Variants in TULP4 observed in about 807,000 individuals in gnomAD.
TULP4 encodes the protein TUB like protein 4, also known as tubby-related protein 4.
In TULP4, 16 loss-of-function variants were observed where a neutral mutation model predicts 129.0. The ratio of observed to expected loss-of-function variants is 0.12; its 90% CI spans 0.08 to 0.19. TULP4 has a LOEUF of 0.19. Ranked by LOEUF, TULP4 falls within the 10% of genes least tolerant of loss-of-function variation. The probability of loss-of-function intolerance (pLI) is 1.00; values close to 1 mark genes in which losing one functional copy is unlikely to be tolerated. For synonymous variants in TULP4, 998 were observed against 854.0 expected (o/e 1.17, Z -2.94); for missense variants, 1,842 against 2,059.1 (o/e 0.89, Z 2.04).
At chr6:158,242,963 G>T (rs1777951578) in intron 1 of TULP4, among the ~76,000 whole-genome samples, 1 of 152,020 alleles carries the variant, frequency 6.6e-6, no homozygotes. Context: ...TTTTTTTGTT[G>T]TTTTTAGTAG....
At position 158,375,699 on chromosome 6, in the gene TULP4, G is replaced by T. The variant is rs150005608; in HGVS notation, c.253-37366G>T. On this transcript the variant is annotated intron_variant, in intron 1 of 13. Transcript: ENST00000367097. The stretch of plus-strand genomic sequence containing the variant: ...AGAAACACTGTAGGGTAAAATGCAC[G>T]CTGCTTAGTTTCATTAGCAAGTGCT... Among the ~76,000 whole-genome samples the T allele has an allele frequency of 3.7e-3, 557 of 152,286 alleles. 3 individuals are homozygous for T. The highest frequency in any genetic ancestry group is 0.013 in the African/African-American group (527 of 41,550).
At chr6:158,302,862 T>C (rs1779154499) in intron 1 of TULP4, among the ~76,000 whole-genome samples, 2 of 151,870 alleles carry the variant, frequency 1.3e-5, no homozygotes, top group Admixed American at 6.6e-5. Context: ...TTAGTGGAGA[T>C]TGGCATGATA....
chr6:158,388,785 C>T (rs1777517092), intron 1 of TULP4, among the ~76,000 whole-genome samples: 1 of 152,064 alleles, frequency 6.6e-6, no homozygotes, highest in Admixed American at 6.5e-5. Context: ...AGTAAGTTAA[C>T]CTTAAATTAT....
intron 5 of TULP4, among the ~76,000 whole-genome samples, chr6:158,456,822 A>G (rs1412695447): frequency 1.4e-5 from 2 of 142,470 alleles, no homozygotes; most frequent in African/African-American, 2.8e-5. Context: ...CGACAGAGCA[A>G]GACTCCATCT....
chr6:158,239,656 C>T (rs1777814299), intron 1 of TULP4, among the ~76,000 whole-genome samples: 2 of 72,510 alleles, frequency 2.8e-5, no homozygotes, highest in Non-Finnish European at 6.2e-5. Flanking sequence ...CCCCACCTCC[C>T]TCCCGGACCG....
At chr6:158,462,643 G>A (rs1779458244) in intron 6 of TULP4, among the ~76,000 whole-genome samples, 1 of 151,714 alleles carries the variant, frequency 6.6e-6, no homozygotes, top group Non-Finnish European at 1.5e-5. Context: ...AAGATGCTGG[G>A]ATTACAGGCA....
chr6:158,431,610 G>A (rs1344515660), intron 3 of TULP4, among the ~76,000 whole-genome samples: 1 of 152,198 alleles, frequency 6.6e-6, no homozygotes, highest in Non-Finnish European at 1.5e-5. Context: ...TTGGCAACGT[G>A]TGGAGGAGGA....
intron 1 of TULP4, among the ~76,000 whole-genome samples, chr6:158,399,701 A>G (rs534587336): frequency 6.6e-6 from 1 of 152,292 alleles, no homozygotes; most frequent in East Asian, 1.9e-4. Flanking sequence ...TGTGTGCCAG[A>G]CAGTTTTTGT....
At chr6:158,253,345 G>A (rs1778179459) in intron 1 of TULP4, among the ~76,000 whole-genome samples, 1 of 152,116 alleles carries the variant, frequency 6.6e-6, no homozygotes, top group African/African-American at 2.4e-5. Context: ...GAATAAACAC[G>A]TGTCTTACTC....
intron 1 of TULP4, among the ~76,000 whole-genome samples, chr6:158,253,075 C>T (rs971858597): frequency 5.3e-5 from 8 of 152,226 alleles, no homozygotes; most frequent in Admixed American, 2.0e-4. Flanking sequence ...AAATCCCATG[C>T]GAATTGTCAG....
At chr6:158,255,858 A>T (rs1778231967) in intron 1 of TULP4, among the ~76,000 whole-genome samples, 2 of 152,226 alleles carry the variant, frequency 1.3e-5, no homozygotes, top group South Asian at 2.1e-4. Flanking sequence ...TTGCATGAAG[A>T]AGTACAGGGT....
At chr6:158,273,804 C>A (rs1190888719) in intron 1 of TULP4, among the ~76,000 whole-genome samples, 1 of 152,160 alleles carries the variant, frequency 6.6e-6, no homozygotes, top group Non-Finnish European at 1.5e-5. Context: ...TAATATAGCT[C>A]CTAGTATGTA....
At chr6:158,274,000 C>A (rs544352312) in intron 1 of TULP4, among the ~76,000 whole-genome samples, 4 of 152,106 alleles carry the variant, frequency 2.6e-5, no homozygotes, top group Non-Finnish European at 4.4e-5. Context: ...TGGCTCACAC[C>A]TGTAATCACA....
At chr6:158,264,042 GA>G (rs1219429092) in intron 1 of TULP4, among the ~76,000 whole-genome samples, 1 of 152,134 alleles carries the variant, frequency 6.6e-6, no homozygotes, top group African/African-American at 2.4e-5. Context: ...CAGCCTGGGG[GA>G]TAGAGTGAGA....
intron 2 of TULP4, among the ~76,000 whole-genome samples, chr6:158,427,599 T>G (rs1778531194): frequency 6.8e-6 from 1 of 148,118 alleles, no homozygotes; most frequent in Non-Finnish European, 1.5e-5. Context: ...GTTCAAGCGA[T>G]TCTCCTGCCT....
intron 1 of TULP4, among the ~76,000 whole-genome samples, chr6:158,243,729 A>C (rs1195664522): frequency 6.6e-6 from 1 of 152,000 alleles, no homozygotes; most frequent in Admixed American, 6.6e-5. Flanking sequence ...TTCATCAGGA[A>C]GTCTTCTTTC....
At chr6:158,499,331 C>T (rs1207565047) in intron 12 of TULP4, among the ~76,000 whole-genome samples, 1 of 152,220 alleles carries the variant, frequency 6.6e-6, no homozygotes, top group African/African-American at 2.4e-5. Flanking sequence ...TCTTCCACCG[C>T]AACCGCATGT....
At chr6:158,283,971 A>G (rs1046331675) in intron 1 of TULP4, among the ~76,000 whole-genome samples, 16 of 152,200 alleles carry the variant, frequency 1.1e-4, no homozygotes, top group African/African-American at 3.9e-4. Flanking sequence ...GTGGTAGATA[A>G]TGGACCCTCC....
Position 158,424,944 on chromosome 6 carries a change from G to A in TULP4, c.382-4792G>A, listed in dbSNP as rs916902591. On this transcript the variant is annotated intron_variant, in intron 2 of 13. Coordinates refer to ENST00000367097, the MANE Select transcript of TULP4 (RefSeq NM_020245.5). ...CGAGGTGGGCGGATCACAAGGTCAGGAGATCGAGACCATCCTGGCTAACAT... is the reference window on the plus strand; with the variant it reads ...CGAGGTGGGCGGATCACAAGGTCAGAAGATCGAGACCATCCTGGCTAACAT... 2.6e-5 allele frequency among the ~76,000 whole-genome samples: 4 copies of A among 151,768 alleles called. No homozygotes were observed. The East Asian group carries it at 7.8e-4, about 30-fold the overall frequency.
Sources: gnomAD v4.1 joint callset for allele counts (sites outside exome capture counted in the v4.1 genomes callset) on GRCh38, gnomAD v4.1.1 for gene constraint, MANE v1.5 for transcripts, NCBI Gene and HGNC (gene_info 2026-07-23, HGNC 2026-07-21) for gene names.